The following ZNRF1 variants were observed in gnomAD, a reference collection of about 807,000 sequenced individuals.
ZNRF1 encodes E3 ubiquitin-protein ligase ZNRF1.
ZNRF1 carries 3 observed loss-of-function variants against 18.4 expected under a neutral mutation model. That is an observed-to-expected ratio of 0.16 (90% confidence interval 0.07 to 0.42). The LOEUF is 0.42. Ranked by LOEUF, ZNRF1 falls within the 10% of genes least tolerant of loss-of-function variation. The pLI is 0.99. For missense variants in ZNRF1, 310 were observed against 329.8 expected, an observed-to-expected ratio of 0.94 and a Z score of 0.47; for synonymous variants, 157 against 144.2, an observed-to-expected ratio of 1.09 and a Z score of -0.64.
At chr16:75,075,239 C>G (rs1722333958) in intron 1 of ZNRF1, among the ~76,000 whole-genome samples, 1 of 152,262 alleles carries the variant, frequency 6.6e-6, no homozygotes. Context: ...GCCAGCAGTA[C>G]TGTCAAGGCC....
At chr16:75,064,741 G>A (rs925582790) in intron 1 of ZNRF1, among the ~76,000 whole-genome samples, 8 of 152,166 alleles carry the variant, frequency 5.3e-5, no homozygotes, top group Admixed American at 6.5e-5. Flanking sequence ...AATGAGCAAC[G>A]GACTCAGAGC....
chr16:75,065,036 C>T (rs547226861), intron 1 of ZNRF1, among the ~76,000 whole-genome samples: 1 of 152,336 alleles, frequency 6.6e-6, no homozygotes, highest in East Asian at 1.9e-4. Context: ...AGGCCGTGTT[C>T]CTGTGACCCT....
intron 2 of ZNRF1, among the ~76,000 whole-genome samples, chr16:75,097,637 T>C (rs188632104): frequency 6.6e-6 from 1 of 152,088 alleles, no homozygotes; most frequent in Non-Finnish European, 1.5e-5. Flanking sequence ...CTGGGCAACA[T>C]AGTGAGACCC....
At chr16:75,090,763 A>G (rs371103047) in intron 1 of ZNRF1, among the ~76,000 whole-genome samples, 56 of 152,128 alleles carry the variant, frequency 3.7e-4, no homozygotes, top group African/African-American at 1.3e-3. Context: ...CCATAGTTCA[A>G]AGCACTGCCA....
chr16:75,081,900 T>C (rs1368329005), intron 1 of ZNRF1, among the ~76,000 whole-genome samples: 3 of 152,208 alleles, frequency 2.0e-5, no homozygotes, highest in Non-Finnish European at 4.4e-5. Context: ...ACATCCACAC[T>C]TTCTGAGTCA....
At chr16:75,007,812 T>C (rs2034941937) in intron 1 of ZNRF1, among the ~76,000 whole-genome samples, 1 of 152,218 alleles carries the variant, frequency 6.6e-6, no homozygotes, top group Admixed American at 6.5e-5. Context: ...AACAGAGAAA[T>C]AAACTTTGAA....
intron 1 of ZNRF1, among the ~76,000 whole-genome samples, chr16:75,030,420 C>T (rs2035286769): frequency 6.6e-6 from 1 of 150,554 alleles, no homozygotes; most frequent in South Asian, 2.1e-4. Context: ...CTTTGATCTG[C>T]AGTAGCTGGA....
intron 1 of ZNRF1, among the ~76,000 whole-genome samples, chr16:75,033,885 G>A (rs1337276655): frequency 6.6e-6 from 1 of 152,004 alleles, no homozygotes; most frequent in Non-Finnish European, 1.5e-5. Flanking sequence ...AGTGGCTCAC[G>A]CCTGTAATCC....
chr16:75,077,433 G>A (rs978094613), intron 1 of ZNRF1, among the ~76,000 whole-genome samples: 1 of 152,190 alleles, frequency 6.6e-6, no homozygotes, highest in African/African-American at 2.4e-5. Context: ...TCGGGAGGCC[G>A]AGGCAGGAGA....
At chr16:75,042,439 C>G (rs912025888) in intron 1 of ZNRF1, among the ~76,000 whole-genome samples, 1 of 84,870 alleles carries the variant, frequency 1.2e-5, no homozygotes. Flanking sequence ...GTGTCTGTTT[C>G]TTTCTTTTTT....
At chr16:75,052,986 G>T (rs755002321) in intron 1 of ZNRF1, among the ~76,000 whole-genome samples, 4 of 152,210 alleles carry the variant, frequency 2.6e-5, no homozygotes, top group Non-Finnish European at 4.4e-5. Context: ...GACATGATGT[G>T]AATCGGCGCC....
chr16:75,042,588 G>T (rs1335442065), intron 1 of ZNRF1, among the ~76,000 whole-genome samples: 1 of 151,276 alleles, frequency 6.6e-6, no homozygotes, highest in African/African-American at 2.4e-5. Context: ...TTTCAATTCT[G>T]TTCCATTGAT....
chr16:75,073,329 C>A (rs1188145574), intron 1 of ZNRF1, among the ~76,000 whole-genome samples: 1 of 151,850 alleles, frequency 6.6e-6, no homozygotes, highest in Non-Finnish European at 1.5e-5. Context: ...TTTTAGACCT[C>A]CCTCCAGTGC....
intron 1 of ZNRF1, among the ~76,000 whole-genome samples, chr16:75,032,737 A>G (rs1280531432): frequency 6.6e-6 from 1 of 152,226 alleles, no homozygotes; most frequent in South Asian, 2.1e-4. Flanking sequence ...AAAAATTTAC[A>G]AAGGACCAGA....
At chr16:75,088,306 G>A (rs1272169916) in intron 1 of ZNRF1, among the ~76,000 whole-genome samples, 1 of 152,128 alleles carries the variant, frequency 6.6e-6, no homozygotes, top group African/African-American at 2.4e-5. Context: ...AGCTGTCCGT[G>A]TTTTTTCTGT....
rs1434412114 is a variant in ZNRF1 at position 75,110,665 on chromosome 16, T to G, written c.*2965T>G. 6.6e-6 allele frequency: 1 copy of G among 152,260 alleles called. No homozygotes were observed. Among genetic ancestry groups the G allele is most frequent in the African/African-American group, 2.4e-5 (1 of 41,466 alleles). 9.4% of individuals were successfully genotyped at this position (152,260 alleles called of 1,614,324 possible). A position where few individuals can be genotyped will look rare whatever the true frequency, so the allele number is the denominator to read the frequency against. On this transcript the variant is annotated 3_prime_UTR_variant, in exon 5 of 5. Coordinates refer to ENST00000335325, the MANE Select transcript of ZNRF1 (RefSeq NM_032268.5). The stretch of plus-strand genomic sequence containing the variant: ...AACAGTGTACTTGTTCTTTCAACTT[T>G]TCTGTATGTTTGGAATTTTTCTTAA...
intron 1 of ZNRF1, among the ~76,000 whole-genome samples, chr16:75,040,598 G>GGTTTT: frequency 2.2e-5 from 1 of 46,354 alleles, no homozygotes. Context: ...TTTTTTGTGG[G>GGTTTT]TTTTTTTTTT....
At chr16:75,060,897 G>A (rs532767923) in intron 1 of ZNRF1, among the ~76,000 whole-genome samples, 5 of 152,254 alleles carry the variant, frequency 3.3e-5, no homozygotes, top group Non-Finnish European at 5.9e-5. Context: ...TGAGGAGGAG[G>A]AGGCTAAGAA....
intron 1 of ZNRF1, among the ~76,000 whole-genome samples, chr16:75,026,733 C>T (rs1205395407): frequency 2.6e-5 from 4 of 151,790 alleles, no homozygotes; most frequent in African/African-American, 9.7e-5. Flanking sequence ...GCCAGGAGTT[C>T]GAGACCAGCC....
Sources: allele counts gnomAD v4.1 joint callset (sites outside exome capture counted in the v4.1 genomes callset), GRCh38; gene constraint gnomAD v4.1.1; transcripts MANE v1.5; gene names NCBI Gene and HGNC (gene_info 2026-07-23, HGNC 2026-07-21).